BTC: variants seen among roughly 807,000 people sequenced by gnomAD.
BTC encodes the protein probetacellulin.
Under a neutral mutation model 18.1 loss-of-function variants are expected in BTC, and 13 were observed. That is an observed-to-expected ratio of 0.72 (90% CI 0.47 to 1.14). The LOEUF is 1.14. Among genes scored for constraint, BTC ranks in the 50% most tolerant of loss-of-function variants. BTC has a pLI of 0.00. For missense variants in BTC, 247 were observed against 224.2 expected, an observed-to-expected ratio of 1.10 and a Z score of -0.65; for synonymous variants, 83 against 79.4, an observed-to-expected ratio of 1.05 and a Z score of -0.24.
chr4:74,780,724 G>A (rs73825049), intron 1 of BTC, among the ~76,000 whole-genome samples: 4,892 of 152,008 alleles, frequency 0.032, 243 homozygotes, highest in African/African-American at 0.11. Context: ...CTAAGCCTGG[G>A]GCATAGGATT....
chr4:74,789,924 C>T (rs1725576987), intron 1 of BTC, among the ~76,000 whole-genome samples: 1 of 152,176 alleles, frequency 6.6e-6, no homozygotes, highest in East Asian at 1.9e-4. Flanking sequence ...CAGTAAAGCT[C>T]TTCATTGCAT....
At chr4:74,770,293 A>C in intron 1 of BTC, 137 bp from the exon 2 acceptor site, 2 of 664,864 alleles carry the variant, frequency 3.0e-6, no homozygotes, top group Non-Finnish European at 5.1e-6. Flanking sequence ...ACTCACTCCC[A>C]GGAAGGGATA....
chr4:74,746,699 A>AC (rs782615416), intron 5 of BTC, 24 bp from the exon 6 acceptor site: 3 of 152,644 alleles, frequency 2.0e-5, no homozygotes, highest in Non-Finnish European at 4.4e-5. Flanking sequence ...AAATAACAGC[A>AC]CATCACTTAA....
chr4:74,748,315 G>A (rs782489062), intron 4 of BTC, among the ~76,000 whole-genome samples, 166 bp from the exon 5 acceptor site: 3 of 152,126 alleles, frequency 2.0e-5, no homozygotes, highest in Non-Finnish European at 2.9e-5. Flanking sequence ...TTGGGAGGCC[G>A]AGGCAGGTGG....
chr4:74,762,623 G>A (rs1213704942), intron 2 of BTC, among the ~76,000 whole-genome samples: 2 of 152,010 alleles, frequency 1.3e-5, no homozygotes, highest in Non-Finnish European at 2.9e-5. Context: ...AGTGAAGAGG[G>A]AAGGAGAATG....
intron 1 of BTC, among the ~76,000 whole-genome samples, chr4:74,788,204 T>A (rs1322331397): frequency 2.0e-5 from 3 of 152,206 alleles, no homozygotes; most frequent in Non-Finnish European, 4.4e-5. Flanking sequence ...ATCATGTTCT[T>A]ATCCAGACAA....
chr4:74,763,450 A>T (rs1023932585), intron 2 of BTC, among the ~76,000 whole-genome samples: 20 of 152,120 alleles, frequency 1.3e-4, no homozygotes, highest in Non-Finnish European at 2.6e-4. Flanking sequence ...TCTATTTTTA[A>T]TTTTTTTAAA....
intron 1 of BTC, among the ~76,000 whole-genome samples, chr4:74,789,698 TAGAG>T (rs971741471): frequency 9.2e-5 from 14 of 152,216 alleles, no homozygotes; most frequent in Non-Finnish European, 1.9e-4. Flanking sequence ...ATTTTTCTTA[TAGAG>T]AAACAACTTT....
intron 2 of BTC, among the ~76,000 whole-genome samples, chr4:74,756,438 T>C (rs1724601245): frequency 6.6e-6 from 1 of 152,206 alleles, no homozygotes; most frequent in African/African-American, 2.4e-5. Context: ...TCATTTAATG[T>C]TCATAATAGC....
chr4:74,762,627 G>T (rs1724791109), intron 2 of BTC, among the ~76,000 whole-genome samples: 1 of 151,970 alleles, frequency 6.6e-6, no homozygotes, highest in Non-Finnish European at 1.5e-5. Context: ...AAGAGGGAAG[G>T]AGAATGAGAA....
intron 1 of BTC, among the ~76,000 whole-genome samples, chr4:74,789,074 G>C (rs527365915): frequency 1.3e-5 from 2 of 152,280 alleles, no homozygotes; most frequent in Non-Finnish European, 2.9e-5. Flanking sequence ...AGGACTTCCT[G>C]GACTATCCCC....
At chr4:74,790,005 C>T (rs144564186) in intron 1 of BTC, among the ~76,000 whole-genome samples, 104 of 144,634 alleles carry the variant, frequency 7.2e-4, no homozygotes, top group African/African-American at 2.7e-3. Flanking sequence ...AGTAGATATG[C>T]ATTTTACTTT....
chr4:74,755,713 C>G (rs1724578085), intron 3 of BTC, 146 bp downstream of exon 3: 2 of 705,614 alleles, frequency 2.8e-6, no homozygotes, highest in East Asian at 5.1e-5. Flanking sequence ...GCTGAGTGGG[C>G]CCCTAAACAA....
intron 2 of BTC, among the ~76,000 whole-genome samples, chr4:74,767,030 T>A (rs1179837952): frequency 1.3e-5 from 2 of 151,992 alleles, no homozygotes; most frequent in Non-Finnish European, 2.9e-5. Flanking sequence ...GAATGCCCAG[T>A]CTAACCGCTT....
chr4:74,779,342 T>A (rs994105100), intron 1 of BTC, among the ~76,000 whole-genome samples: 1 of 151,908 alleles, frequency 6.6e-6, no homozygotes, highest in African/African-American at 2.4e-5. Context: ...TAAATCAACC[T>A]TTTTTTTACT....
At chr4:74,773,767 A>T (rs1423197128) in intron 1 of BTC, among the ~76,000 whole-genome samples, 2 of 152,080 alleles carry the variant, frequency 1.3e-5, no homozygotes, top group East Asian at 1.9e-4. Context: ...GCCTGCCACC[A>T]TGCCTGGCTA....
chr4:74,789,059 C>A (rs1478440224), intron 1 of BTC, among the ~76,000 whole-genome samples: 1 of 152,198 alleles, frequency 6.6e-6, no homozygotes, highest in Non-Finnish European at 1.5e-5. Context: ...AGCTACTGAC[C>A]TAGAAGGACT....
chr4:74,760,506 G>A (rs1441179503), intron 2 of BTC, among the ~76,000 whole-genome samples: 1 of 152,148 alleles, frequency 6.6e-6, no homozygotes, highest in Admixed American at 6.5e-5. Flanking sequence ...TATCTTGCCA[G>A]CTATCTCTGG....
intron 1 of BTC, among the ~76,000 whole-genome samples, chr4:74,783,417 T>C (rs780530901): frequency 1.1e-4 from 17 of 152,076 alleles, no homozygotes; most frequent in Admixed American, 2.0e-4. Context: ...TGTATCTGTG[T>C]GGTCTTATCT....
Sources: allele counts gnomAD v4.1 joint callset (sites outside exome capture counted in the v4.1 genomes callset), GRCh38; gene constraint gnomAD v4.1.1; transcripts MANE v1.5; gene names NCBI Gene and HGNC (gene_info 2026-07-23, HGNC 2026-07-21).